The following GRIK2 variants were observed in gnomAD, a reference collection of about 807,000 sequenced individuals.
The protein encoded by GRIK2 is glutamate ionotropic receptor kainate type subunit 2.
Under a neutral mutation model 100.3 loss-of-function variants are expected in GRIK2, and 32 were observed. That is an observed-to-expected ratio of 0.32 (90% confidence interval 0.24 to 0.43). The LOEUF (loss-of-function observed/expected upper bound fraction) is 0.43. GRIK2 is among the 20% of genes least tolerant of loss of function. GRIK2 has a pLI of 1.00. For missense variants in GRIK2, 843 were observed against 1,114.9 expected, an observed-to-expected ratio of 0.76 and a Z score of 3.47; for synonymous variants, 417 against 389.4, an observed-to-expected ratio of 1.07 and a Z score of -0.83.
intron 14 of GRIK2, among the ~76,000 whole-genome samples, chr6:101,957,613 G>T (rs997193003): frequency 3.9e-5 from 6 of 151,964 alleles, no homozygotes; most frequent in African/African-American, 1.2e-4. Context: ...TTTGGCCAAT[G>T]TCCAGAAGAC....
intron 7 of GRIK2, among the ~76,000 whole-genome samples, chr6:101,712,400 A>G (rs1407660864): frequency 6.6e-6 from 1 of 151,692 alleles, no homozygotes; most frequent in African/African-American, 2.4e-5. Flanking sequence ...ATCATTATAT[A>G]TTTCCTCAGT....
intron 16 of GRIK2, among the ~76,000 whole-genome samples, chr6:102,061,936 G>A (rs1771774258): frequency 6.7e-6 from 1 of 150,084 alleles, no homozygotes; most frequent in South Asian, 2.1e-4. Flanking sequence ...GTATCATTAT[G>A]ACTACTAGCA....
intron 12 of GRIK2, among the ~76,000 whole-genome samples, chr6:101,903,646 T>G (rs1257588967): frequency 6.6e-6 from 1 of 151,698 alleles, no homozygotes; most frequent in Non-Finnish European, 1.5e-5. Context: ...CATGAATCAT[T>G]ACTCTAATAT....
intron 14 of GRIK2, among the ~76,000 whole-genome samples, chr6:101,973,817 G>A (rs188800623): frequency 4.3e-4 from 65 of 151,982 alleles, no homozygotes; most frequent in African/African-American, 1.5e-3. Context: ...TATCAAATAG[G>A]TGTGAGAAAT....
intron 7 of GRIK2, among the ~76,000 whole-genome samples, chr6:101,797,850 T>C (rs1780412692): frequency 6.7e-6 from 1 of 148,550 alleles, no homozygotes; most frequent in South Asian, 2.1e-4. Flanking sequence ...CATTTATATA[T>C]ATAAAATGAT....
intron 12 of GRIK2, among the ~76,000 whole-genome samples, chr6:101,923,659 G>T (rs576284041): frequency 6.6e-6 from 1 of 152,022 alleles, no homozygotes; most frequent in Non-Finnish European, 1.5e-5. Context: ...GGTGGCTCAC[G>T]CCTGTAATCC....
intron 11 of GRIK2, among the ~76,000 whole-genome samples, chr6:101,873,782 A>C (rs371193479): frequency 6.6e-5 from 10 of 151,580 alleles, no homozygotes; most frequent in Non-Finnish European, 1.2e-4. Flanking sequence ...TTTAATGATC[A>C]CCATTCTAAC....
At chr6:101,975,804 T>TGTCTATCTATCTATC (rs1322936294) in intron 14 of GRIK2, among the ~76,000 whole-genome samples, 1 of 128,132 alleles carries the variant, frequency 7.8e-6, no homozygotes, top group African/African-American at 3.3e-5. Context: ...TCTATCTATC[T>TGTCTATCTATCTATC]ATCTGTCTAT....
intron 14 of GRIK2, among the ~76,000 whole-genome samples, chr6:102,001,608 G>T (rs1270342332): frequency 6.6e-6 from 1 of 151,918 alleles, no homozygotes; most frequent in Non-Finnish European, 1.5e-5. Flanking sequence ...GTCTATCATT[G>T]ATGGGCATTT....
chr6:102,067,394 G>T (rs1772071468), intron 16 of GRIK2, among the ~76,000 whole-genome samples: 1 of 151,560 alleles, frequency 6.6e-6, no homozygotes, highest in Admixed American at 6.6e-5. Flanking sequence ...ACACACATAT[G>T]GTCTTAAATA....
At chr6:101,725,610 T>G (rs1473762010) in intron 7 of GRIK2, among the ~76,000 whole-genome samples, 1 of 152,034 alleles carries the variant, frequency 6.6e-6, no homozygotes, top group Non-Finnish European at 1.5e-5. Flanking sequence ...GATGTAATAT[T>G]TTTATGTTAC....
At chr6:101,802,616 G>T (rs1780747230) in intron 9 of GRIK2, among the ~76,000 whole-genome samples, 178 bp downstream of exon 9, 1 of 151,436 alleles carries the variant, frequency 6.6e-6, no homozygotes, top group Non-Finnish European at 1.5e-5. Flanking sequence ...AAGGATAAAG[G>T]GTATCTTAAG....
chr6:101,926,329 G>A (rs1360574189), intron 13 of GRIK2, among the ~76,000 whole-genome samples: 1 of 151,240 alleles, frequency 6.6e-6, no homozygotes, highest in African/African-American at 2.4e-5. Flanking sequence ...AAGTAGTGTT[G>A]AGTAATACAA....
chr6:101,714,517 G>A (rs1773929560), intron 7 of GRIK2, among the ~76,000 whole-genome samples: 1 of 151,532 alleles, frequency 6.6e-6, no homozygotes, highest in Non-Finnish European at 1.5e-5. Context: ...TAAAATTCTG[G>A]TATCAACTTT....
intron 2 of GRIK2, among the ~76,000 whole-genome samples, chr6:101,435,942 C>T (rs2128244609): frequency 6.6e-6 from 1 of 152,146 alleles, no homozygotes; most frequent in South Asian, 2.1e-4. Context: ...TTGCAGTGGC[C>T]TCCTAATTTG....
At chr6:101,734,127 C>T (rs1288294619) in intron 7 of GRIK2, among the ~76,000 whole-genome samples, 2 of 152,128 alleles carry the variant, frequency 1.3e-5, no homozygotes, top group Non-Finnish European at 2.9e-5. Flanking sequence ...AGCAGCACCA[C>T]ACTCTTGTTA....
rs575908047 is a variant in GRIK2, at chr6:102,028,865, G to A, written c.2086-6476G>A. Among the ~76,000 whole-genome samples, 11 of 151,094 alleles carry A rather than the reference G, an allele frequency of 7.3e-5. No homozygotes were observed. In the South Asian group the frequency reaches 1.9e-3, roughly 26 times the overall value. The stretch of plus-strand genomic sequence containing the variant: ...AAGGAGCTTTGGTTCTCTCAACTGT[G>A]TAGGAAAGAAAAATATTTTAACTAT... On this transcript the variant is annotated intron_variant, in intron 14 of 16. Transcript: ENST00000369134.
At chr6:101,622,779 A>C (rs1210147968) in intron 3 of GRIK2, among the ~76,000 whole-genome samples, 3 of 152,000 alleles carry the variant, frequency 2.0e-5, no homozygotes, top group Non-Finnish European at 4.4e-5. Flanking sequence ...AATAAAAAGA[A>C]AAATAATTTG....
At chr6:101,707,075 A>T (rs1562324169) in intron 7 of GRIK2, among the ~76,000 whole-genome samples, 1 of 151,882 alleles carries the variant, frequency 6.6e-6, no homozygotes, top group Non-Finnish European at 1.5e-5. Context: ...ATGAAGATGG[A>T]TTCTGTGGCT....
Sources: allele counts gnomAD v4.1 joint callset (sites outside exome capture counted in the v4.1 genomes callset), GRCh38; gene constraint gnomAD v4.1.1; transcripts MANE v1.5; gene names NCBI Gene and HGNC (gene_info 2026-07-23, HGNC 2026-07-21).